CEP70: variants seen among roughly 807,000 people sequenced by gnomAD.
The protein encoded by CEP70 is centrosomal protein of 70 kDa.
CEP70 carries 70 observed loss-of-function variants against 90.9 expected under a neutral mutation model. The ratio of observed to expected loss-of-function variants is 0.77; its 90% CI spans 0.64 to 0.94. The LOEUF is 0.94. Among genes scored for constraint, CEP70 ranks in the 40% least tolerant of loss-of-function variants. The pLI, the probability that CEP70 is intolerant of heterozygous loss-of-function variation, is 0.00. For synonymous variants in CEP70, 220 were observed against 228.3 expected (o/e 0.96, Z 0.33); for missense variants, 648 against 669.0 (o/e 0.97, Z 0.35).
intron 12 of CEP70, 77 bp from the exon 13 acceptor site, chr3:138,505,542 T>TAAA: frequency 1.2e-6 from 1 of 855,112 alleles, no homozygotes; most frequent in Non-Finnish European, 1.7e-6. Context: ...AGGAGTGCTT[T>TAAA]ATGTCTATAT....
rs572421413 is a variant in CEP70, at chr3:138,501,459, C to T, written c.1222-578G>A. Among the ~76,000 whole-genome samples the T allele has an allele frequency of 7.2e-5, 11 of 152,306 alleles. No homozygotes were observed. In the South Asian group the frequency reaches 2.3e-3, roughly 32 times the overall value. ...CTTCCCCATTTTCCCTTCCCTGCAG[C>T]TCCTAGGGTTAATCTCTAAACTATT... On this transcript the variant is annotated intron_variant, in intron 13 of 17. Transcript: ENST00000264982.
chr3:138,497,970 T>C, intron 17 of CEP70, 61 bp downstream of exon 17: 1 of 1,601,974 alleles, frequency 6.2e-7, no homozygotes, highest in Non-Finnish European at 8.5e-7. Flanking sequence ...GGAACACCCT[T>C]TTCTTAAATG....
At chr3:138,497,954 G>A in intron 17 of CEP70, 77 bp downstream of exon 17, 1 of 1,582,828 alleles carries the variant, frequency 6.3e-7, no homozygotes. Context: ...CTAATCCAGT[G>A]ACCAAGGAAC....
chr3:138,520,871 C>G (rs921138522), intron 11 of CEP70, among the ~76,000 whole-genome samples: 3 of 152,162 alleles, frequency 2.0e-5, no homozygotes, highest in African/African-American at 7.2e-5. Flanking sequence ...CAAGGCTGGA[C>G]TGTACTGCCG....
intron 17 of CEP70, chr3:138,497,415 C>G: frequency 8.8e-7 from 1 of 1,130,304 alleles, no homozygotes. Flanking sequence ...AAAAATCATT[C>G]TTAATAGTAA....
At chr3:138,500,921 A>G (rs1377318006) in intron 13 of CEP70, 40 bp from the exon 14 acceptor site, 1 of 991,828 alleles carries the variant, frequency 1.0e-6, no homozygotes, top group Non-Finnish European at 1.4e-6. Flanking sequence ...ATTGATTTAA[A>G]TAATTTCTAT....
chr3:138,584,289 G>A (rs1414500379), intron 2 of CEP70, among the ~76,000 whole-genome samples: 2 of 151,856 alleles, frequency 1.3e-5, no homozygotes, highest in African/African-American at 4.8e-5. Context: ...AAGTCCTCCA[G>A]CAAAGAAAAG....
chr3:138,523,004 C>T (rs2036826623), intron 11 of CEP70, among the ~76,000 whole-genome samples: 1 of 152,188 alleles, frequency 6.6e-6, no homozygotes, highest in African/African-American at 2.4e-5. Context: ...AATCCAGCAG[C>T]ACATCAAAAA....
At chr3:138,564,018 C>T (rs1367626284) in intron 6 of CEP70, among the ~76,000 whole-genome samples, 1 of 152,092 alleles carries the variant, frequency 6.6e-6, no homozygotes, top group East Asian at 1.9e-4. Flanking sequence ...AAGGGGATAT[C>T]CCCACTGATC....
chr3:138,572,216 G>C lies in CEP70; in HGVS notation c.69+643C>G, dbSNP rs936316. ...AAGGAGCCCGTCCATCTGGATAACT[G>C]ACTCTAACAGAATCACCCTGAAAGA... On this transcript the variant is annotated intron_variant, in intron 3 of 17. Coordinates refer to ENST00000264982, the MANE Select transcript of CEP70 (RefSeq NM_024491.4). Among the ~76,000 whole-genome samples the C allele has an allele frequency of 3.9e-5, 6 of 152,096 alleles. No homozygotes were observed. The South Asian group carries it at 1.2e-3, about 31-fold the overall frequency.
At chr3:138,517,408 G>A (rs1425048637) in intron 11 of CEP70, among the ~76,000 whole-genome samples, 1 of 152,170 alleles carries the variant, frequency 6.6e-6, no homozygotes, top group Non-Finnish European at 1.5e-5. Context: ...GGTGACTCAT[G>A]CCTGTAATCC....
At chr3:138,526,421 A>C (rs1289378729) in intron 10 of CEP70, among the ~76,000 whole-genome samples, 1 of 152,164 alleles carries the variant, frequency 6.6e-6, no homozygotes, top group Non-Finnish European at 1.5e-5. Flanking sequence ...TCGGCCTCCT[A>C]AAGTGCTGGG....
intron 11 of CEP70, among the ~76,000 whole-genome samples, chr3:138,516,794 A>T (rs2036072837): frequency 6.6e-6 from 1 of 151,034 alleles, no homozygotes; most frequent in Non-Finnish European, 1.5e-5. Flanking sequence ...CTGAAAACTG[A>T]ATCATATATG....
At chr3:138,550,942 C>T (rs1482472665) in intron 6 of CEP70, among the ~76,000 whole-genome samples, 1 of 152,158 alleles carries the variant, frequency 6.6e-6, no homozygotes, top group Non-Finnish European at 1.5e-5. Flanking sequence ...GTTTGGAAAA[C>T]GTCTCTGGGG....
chr3:138,507,218 C>T (rs1310827198), intron 12 of CEP70, among the ~76,000 whole-genome samples: 2 of 152,082 alleles, frequency 1.3e-5, no homozygotes, highest in East Asian at 3.8e-4. Flanking sequence ...CAAGGTATTT[C>T]CTAACAAGAA....
chr3:138,549,188 C>T (rs750786080), intron 6 of CEP70, among the ~76,000 whole-genome samples: 17 of 150,870 alleles, frequency 1.1e-4, no homozygotes, highest in East Asian at 3.9e-4. Flanking sequence ...TCCAACCGGA[C>T]GTGAAGCTTT....
chr3:138,504,317 G>C (rs535275783), intron 13 of CEP70, among the ~76,000 whole-genome samples: 5 of 152,044 alleles, frequency 3.3e-5, no homozygotes, highest in African/African-American at 1.2e-4. Context: ...AAGGGAAGTC[G>C]AAATTTAAAA....
At chr3:138,591,987 T>A in intron 1 of CEP70, 31 bp from the exon 2 acceptor site, 1 of 729,712 alleles carries the variant, frequency 1.4e-6, no homozygotes, top group East Asian at 2.9e-5. Context: ...AAGAACAAAA[T>A]CTTGAAATGT....
intron 6 of CEP70, among the ~76,000 whole-genome samples, chr3:138,551,965 T>C (rs2039654348): frequency 6.6e-6 from 1 of 151,978 alleles, no homozygotes; most frequent in Non-Finnish European, 1.5e-5. Context: ...AAATGTCAGG[T>C]AAAGGGGTGA....
Sources: allele counts gnomAD v4.1 joint callset (sites outside exome capture counted in the v4.1 genomes callset), GRCh38; gene constraint gnomAD v4.1.1; transcripts MANE v1.5; gene names NCBI Gene and HGNC (gene_info 2026-07-23, HGNC 2026-07-21).